Variants in NDRG3 observed in about 807,000 individuals in gnomAD.
NDRG3 encodes the protein NDRG family member 3, also known as protein NDRG3.
A neutral mutation model predicts 57.2 loss-of-function variants in NDRG3; 23 were observed. That is an observed-to-expected ratio of 0.40 (90% CI 0.29 to 0.57). The LOEUF (loss-of-function observed/expected upper bound fraction) is 0.57. Ranked by LOEUF, NDRG3 falls within the 20% of genes least tolerant of loss-of-function variation. NDRG3 has a pLI of 0.42. For missense variants in NDRG3, 384 were observed against 457.3 expected, an observed-to-expected ratio of 0.84 and a Z score of 1.46; for synonymous variants, 132 against 162.6, an observed-to-expected ratio of 0.81 and a Z score of 1.43.
intron 8 of NDRG3, among the ~76,000 whole-genome samples, chr20:36,672,020 G>A (rs1389334904): frequency 6.6e-6 from 1 of 152,088 alleles, no homozygotes; most frequent in Non-Finnish European, 1.5e-5. Flanking sequence ...CTTTATTCCT[G>A]TCTGTATTTC....
chr20:36,745,481 T>G (rs1986140202), intron 1 of NDRG3, among the ~76,000 whole-genome samples: 1 of 152,316 alleles, frequency 6.6e-6, no homozygotes, highest in South Asian at 2.1e-4. Flanking sequence ...CTGCGTGACC[T>G]TGGGCATGGC....
chr20:36,653,451 T>G lies in NDRG3; in HGVS notation c.*69A>C. 1.3e-5 allele frequency: 19 copies of G among 1,418,266 alleles called. No homozygotes were observed. Among genetic ancestry groups the G allele is most frequent in the Non-Finnish European group, 1.7e-5 (17 of 1,030,014 alleles). The allele number at this position is 1,418,266 out of a possible 1,614,324, so 87.9% of individuals were successfully genotyped here. A position where few individuals can be genotyped will look rare whatever the true frequency, so the allele number is the denominator to read the frequency against. On this transcript the variant is annotated 3_prime_UTR_variant, in exon 16 of 16. Transcript: ENST00000349004. This position sits in a 1 kb window ranked among gnomAD's most constrained non-coding sequence, Gnocchi z 4.2. The stretch of plus-strand genomic sequence containing the variant: ...AGATAGTAGAGGCCAGTTTACTGGA[T>G]GAAATGTTATATTATGGAGTGGTCA...
intron 3 of NDRG3, chr20:36,700,560 AGGG>A: frequency 1.9e-6 from 1 of 517,076 alleles, no homozygotes; most frequent in Middle Eastern, 3.3e-4. Flanking sequence ...AGGCCACTGC[AGGG>A]AGTAACGTGC....
At chr20:36,662,030 A>G (rs1979247195) in intron 12 of NDRG3, among the ~76,000 whole-genome samples, 1 of 152,180 alleles carries the variant, frequency 6.6e-6, no homozygotes, top group Admixed American at 6.5e-5. Flanking sequence ...TAGAATTTAA[A>G]AACTGGATCC....
intron 2 of NDRG3, among the ~76,000 whole-genome samples, chr20:36,718,318 G>A (rs1358712808): frequency 6.6e-6 from 1 of 152,198 alleles, no homozygotes; most frequent in Admixed American, 6.5e-5. Context: ...AGCCAAGAGA[G>A]TTCTCATGAA....
At chr20:36,740,807 G>A (rs1037533952) in intron 1 of NDRG3, among the ~76,000 whole-genome samples, 1 of 152,054 alleles carries the variant, frequency 6.6e-6, no homozygotes, top group South Asian at 2.1e-4. Flanking sequence ...TCATATATCA[G>A]TTAATTTCAC....
At chr20:36,661,777 T>C (rs1402786481) in intron 12 of NDRG3, among the ~76,000 whole-genome samples, 1 of 152,238 alleles carries the variant, frequency 6.6e-6, no homozygotes, top group Non-Finnish European at 1.5e-5. Flanking sequence ...GTGGCCTACA[T>C]GATAGACTGC....
chr20:36,730,054 C>G (rs900408936), intron 1 of NDRG3, among the ~76,000 whole-genome samples: 21 of 151,612 alleles, frequency 1.4e-4, no homozygotes, highest in Admixed American at 6.6e-5. Flanking sequence ...TGAGACCAGC[C>G]TGGCCAACGT....
rs551378884 is a variant in NDRG3 at position 36,680,806 on chromosome 20, T to C, written c.531+10A>G. 6.2e-7 allele frequency: 1 copy of C among 1,611,874 alleles called. No homozygotes were observed. Among genetic ancestry groups the C allele is most frequent in the Non-Finnish European group, 8.5e-7 (1 of 1,177,970 alleles). On this transcript the variant is annotated intron_variant, in intron 8 of 15. Coordinates refer to ENST00000349004, the MANE Select transcript of NDRG3 (RefSeq NM_032013.4). ...AGATAAGCCGATGGACACCTTCATG[T>C]GGTACTTACTTTGGAAGCTGCCCAG... is the stretch of plus-strand genomic sequence containing the variant.
intron 4 of NDRG3, 62 bp from the exon 5 acceptor site, chr20:36,687,674 T>G: frequency 1.9e-6 from 3 of 1,558,098 alleles, no homozygotes; most frequent in Non-Finnish European, 1.7e-6. Flanking sequence ...TTTCCTCTAC[T>G]CAGTCAATGC....
At chr20:36,732,350 G>T (rs932915926) in intron 1 of NDRG3, among the ~76,000 whole-genome samples, 2 of 152,180 alleles carry the variant, frequency 1.3e-5, no homozygotes, top group Non-Finnish European at 2.9e-5. Flanking sequence ...GCAGAACACC[G>T]TTTAAAGCGT....
chr20:36,664,277 A>C (rs1252702225), intron 12 of NDRG3, among the ~76,000 whole-genome samples: 2 of 152,218 alleles, frequency 1.3e-5, no homozygotes, highest in Non-Finnish European at 2.9e-5. Context: ...AAGGCAAAAA[A>C]TAATACTCTG....
chr20:36,663,212 C>T (rs1413831579), intron 12 of NDRG3, among the ~76,000 whole-genome samples: 2 of 152,010 alleles, frequency 1.3e-5, no homozygotes, highest in Non-Finnish European at 2.9e-5. Flanking sequence ...CAAGTCATGC[C>T]ATGTATTTCA....
intron 1 of NDRG3, among the ~76,000 whole-genome samples, chr20:36,738,660 T>C (rs1203779923): frequency 6.7e-6 from 1 of 150,348 alleles, no homozygotes; most frequent in Non-Finnish European, 1.5e-5. Flanking sequence ...CCATCTCTAC[T>C]AAAAATACAA....
intron 1 of NDRG3, among the ~76,000 whole-genome samples, chr20:36,739,133 TCAAAAAAA>T (rs1251108272): frequency 9.5e-5 from 3 of 31,526 alleles, no homozygotes; most frequent in Non-Finnish European, 1.7e-4. Context: ...AGACCCCATC[TCAAAAAAA>T]AAAAAAAAAA....
At position 36,737,234 on chromosome 20, in the gene NDRG3, T is replaced by C. The variant is rs1435206741; in HGVS notation, c.-49+8811A>G. ...AGCGGAAGTTTTAACACAGGAGTCATACTAAAGTAACTCTAAAAGCAGAAG... is the reference window on the plus strand; with the variant it reads ...AGCGGAAGTTTTAACACAGGAGTCACACTAAAGTAACTCTAAAAGCAGAAG... On this transcript the variant is annotated intron_variant, in intron 1 of 15. Transcript: ENST00000349004. 2.0e-5 allele frequency among the ~76,000 whole-genome samples: 3 copies of C among 152,156 alleles called. No individual in the cohort carries two copies. The East Asian group carries it at 5.8e-4, about 29-fold the overall frequency.
At chr20:36,706,471 C>T (rs1219792606) in intron 3 of NDRG3, among the ~76,000 whole-genome samples, 1 of 152,038 alleles carries the variant, frequency 6.6e-6, no homozygotes, top group East Asian at 1.9e-4. Context: ...ACCTGGCAGG[C>T]AATTTCTGAA....
intron 3 of NDRG3, among the ~76,000 whole-genome samples, chr20:36,697,563 C>T (rs1354073583): frequency 6.6e-6 from 1 of 152,110 alleles, no homozygotes; most frequent in Non-Finnish European, 1.5e-5. Context: ...CAAAAATTAG[C>T]CAGGCGTGGT....
intron 13 of NDRG3, among the ~76,000 whole-genome samples, chr20:36,658,292 C>T (rs981517836): frequency 2.6e-5 from 4 of 152,062 alleles, no homozygotes; most frequent in Admixed American, 1.3e-4. Flanking sequence ...GCATCATGCC[C>T]GGCTAATTTT....
Sources: allele counts gnomAD v4.1 joint callset (sites outside exome capture counted in the v4.1 genomes callset), GRCh38; gene constraint gnomAD v4.1.1; non-coding constraint Gnocchi (gnomAD v3.1); transcripts MANE v1.5; gene names NCBI Gene and HGNC (gene_info 2026-07-23, HGNC 2026-07-21).